The following RAB30 variants were observed in gnomAD, a reference collection of about 807,000 sequenced individuals.
RAB30 encodes the protein ras-related protein Rab-30.
In RAB30, 9 loss-of-function variants were observed where a neutral mutation model predicts 25.1. The observed-to-expected ratio is 0.36, with a 90% confidence interval of 0.22 to 0.63. The LOEUF is 0.63. Among genes scored for constraint, RAB30 ranks in the 20% least tolerant of loss-of-function variants. The probability of loss-of-function intolerance (pLI) is 0.69; values close to 1 mark genes in which losing one functional copy is unlikely to be tolerated. For missense variants in RAB30, 140 were observed against 243.5 expected, an observed-to-expected ratio of 0.58 and a Z score of 2.83; for synonymous variants, 77 against 86.4, an observed-to-expected ratio of 0.89 and a Z score of 0.60.
intron 1 of RAB30, among the ~76,000 whole-genome samples, chr11:83,061,174 T>A (rs1423087106): frequency 6.6e-6 from 1 of 152,124 alleles, no homozygotes; most frequent in African/African-American, 2.4e-5. Context: ...TCAACCTCCA[T>A]AATCACACGA....
intron 1 of RAB30, among the ~76,000 whole-genome samples, chr11:83,009,609 TAAATA>T (rs370648736): frequency 9.2e-5 from 14 of 151,436 alleles, no homozygotes; most frequent in African/African-American, 2.7e-4. Flanking sequence ...ACACCAAAAA[TAAATA>T]AAATAAAATA....
At chr11:83,040,499 G>A (rs952918084) in intron 1 of RAB30, among the ~76,000 whole-genome samples, 1 of 151,786 alleles carries the variant, frequency 6.6e-6, no homozygotes, top group Non-Finnish European at 1.5e-5. Flanking sequence ...GCTGAGGCAG[G>A]AGAATTGCTT....
chr11:83,039,164 T>A (rs932826496), intron 1 of RAB30: 1 of 152,196 alleles, frequency 6.6e-6, no homozygotes, highest in South Asian at 2.1e-4. Context: ...TACCAACTAG[T>A]CATTTAGTAA....
At chr11:83,033,836 A>C (rs902163167) in intron 1 of RAB30, among the ~76,000 whole-genome samples, 5 of 152,214 alleles carry the variant, frequency 3.3e-5, no homozygotes, top group African/African-American at 1.2e-4. Context: ...CCTTGGGCAT[A>C]TGAGGGTATC....
chr11:83,036,309 G>A (rs1411046931), intron 1 of RAB30, among the ~76,000 whole-genome samples: 2 of 151,970 alleles, frequency 1.3e-5, no homozygotes, highest in African/African-American at 4.8e-5. Context: ...TGGGAATACA[G>A]GCAGGCACCA....
At position 82,982,204 on chromosome 11, in the gene RAB30, C is replaced by T; in HGVS notation, c.573G>A (p.Gly191=). The change falls in exon 5 of 5, where the codon GGG becomes GGA. Residue 191 remains glycine, a synonymous_variant. Coordinates refer to ENST00000527633, the MANE Select transcript of RAB30 (RefSeq NM_001286060.2). ...AACAAGTCAAATAGCTGATGCTTTT[C>T]CCTTCTCCAGGTAAGGGTGAGGATA... ...NNVSSPLPGE[G]KSISYLTCCN... 1 of 1,614,232 alleles carries T rather than the reference C, an allele frequency of 6.2e-7. No individual in the cohort carries two copies. Among genetic ancestry groups the T allele is most frequent in the Non-Finnish European group, 8.5e-7 (1 of 1,180,044 alleles).
chr11:83,044,647 T>C (rs1378957550), intron 1 of RAB30, among the ~76,000 whole-genome samples: 2 of 152,006 alleles, frequency 1.3e-5, no homozygotes, highest in African/African-American at 4.8e-5. Context: ...GAGAAGAAAA[T>C]ATTGCCAGGT....
intron 1 of RAB30, among the ~76,000 whole-genome samples, chr11:83,022,791 A>G (rs546677211): frequency 1.3e-5 from 2 of 152,276 alleles, no homozygotes; most frequent in Non-Finnish European, 2.9e-5. Flanking sequence ...AACTGGGGAA[A>G]TATGAACATG....
At chr11:83,030,796 C>CAA (rs199607255) in intron 1 of RAB30, among the ~76,000 whole-genome samples, 1 of 118,702 alleles carries the variant, frequency 8.4e-6, no homozygotes, top group Non-Finnish European at 1.8e-5. Context: ...GACTCCACCT[C>CAA]AAAAAAAAAA....
At chr11:83,037,752 G>C (rs1448084059) in intron 1 of RAB30, among the ~76,000 whole-genome samples, 1 of 152,158 alleles carries the variant, frequency 6.6e-6, no homozygotes. Context: ...GACCCCAGTT[G>C]TGTTTGTTCA....
chr11:83,017,844 G>A (rs899911964), intron 1 of RAB30, among the ~76,000 whole-genome samples: 4 of 152,204 alleles, frequency 2.6e-5, no homozygotes, highest in African/African-American at 7.2e-5. Context: ...AAACATGTGT[G>A]TGCAAGTGTC....
intron 2 of RAB30, 151 bp from the exon 3 acceptor site, chr11:82,994,273 C>T (rs2121457077): frequency 3.2e-6 from 2 of 632,426 alleles, no homozygotes; most frequent in Non-Finnish European, 2.8e-6. Context: ...TCAAGGGAGC[C>T]CTGTGCAACT....
chr11:83,041,975 G>A (rs950766166), intron 1 of RAB30, among the ~76,000 whole-genome samples: 4 of 150,646 alleles, frequency 2.7e-5, no homozygotes, highest in Non-Finnish European at 5.9e-5. Context: ...CCGGGAGGTG[G>A]AGGTTGCAGT....
At chr11:83,055,780 C>T (rs1039598269) in intron 1 of RAB30, among the ~76,000 whole-genome samples, 1 of 152,222 alleles carries the variant, frequency 6.6e-6, no homozygotes, top group African/African-American at 2.4e-5. Flanking sequence ...CCTTCTGTGC[C>T]TTCTACCATG....
chr11:83,066,205 C>T (rs1858692511), intron 1 of RAB30, among the ~76,000 whole-genome samples: 1 of 152,184 alleles, frequency 6.6e-6, no homozygotes, highest in Non-Finnish European at 1.5e-5. Flanking sequence ...TTACACTATT[C>T]TGATGTTTCA....
chr11:83,050,780 GTACA>G (rs1858340901), intron 1 of RAB30, among the ~76,000 whole-genome samples: 1 of 152,034 alleles, frequency 6.6e-6, no homozygotes, highest in Admixed American at 6.6e-5. Flanking sequence ...TTTCTCAGTG[GTACA>G]TAAAATACTT....
chr11:83,011,674 C>A (rs1857307230), intron 1 of RAB30, among the ~76,000 whole-genome samples: 1 of 152,316 alleles, frequency 6.6e-6, no homozygotes, highest in South Asian at 2.1e-4. Context: ...GAAACCAATT[C>A]AATTGGTCAT....
At chr11:83,039,123 AC>A (rs1858049423) in intron 1 of RAB30, 2 of 152,342 alleles carry the variant, frequency 1.3e-5, no homozygotes, top group African/African-American at 2.4e-5. Flanking sequence ...AAAGAAAGTT[AC>A]CTACTGTTGA....
At chr11:83,048,482 A>AC (rs1486033754) in intron 1 of RAB30, among the ~76,000 whole-genome samples, 56 of 151,852 alleles carry the variant, frequency 3.7e-4, no homozygotes, top group African/African-American at 1.4e-3. Context: ...AAAAAAAAAA[A>AC]AATCCTGAAT....
Sources: gnomAD v4.1 joint callset for allele counts (sites outside exome capture counted in the v4.1 genomes callset) on GRCh38, gnomAD v4.1.1 for gene constraint, MANE v1.5 for transcripts, NCBI Gene and HGNC (gene_info 2026-07-23, HGNC 2026-07-21) for gene names.